CELF2: variants seen among roughly 807,000 people sequenced by gnomAD.
The protein encoded by CELF2 is CUG triplet repeat RNA-binding protein 2.
Under a neutral mutation model 62.6 loss-of-function variants are expected in CELF2, and 8 were observed. That is an observed-to-expected ratio of 0.13 (90% CI 0.07 to 0.23). The LOEUF (loss-of-function observed/expected upper bound fraction) is 0.23. Ranked by LOEUF, CELF2 falls within the 10% of genes least tolerant of loss-of-function variation. The pLI is 1.00. For synonymous variants in CELF2, 258 were observed against 250.0 expected (o/e 1.03, Z -0.30); for missense variants, 333 against 671.0 (o/e 0.50, Z 5.56).
chr10:10,810,870 T>C (rs981961130), intron 1 of CELF2, among the ~76,000 whole-genome samples: 3 of 152,136 alleles, frequency 2.0e-5, no homozygotes, highest in Admixed American at 2.0e-4. Flanking sequence ...TCCTATGGGA[T>C]GGGCAGGAAG....
chr10:10,775,619 A>AT, the CELF2 span, among the ~76,000 whole-genome samples: 1 of 144,702 alleles, frequency 6.9e-6, no homozygotes, highest in East Asian at 2.2e-4. Flanking sequence ...GTCTCAAAAA[A>AT]AAAAAAATAT....
rs2061746211 is a variant in CELF2, at chr10:10,886,334, A to G, written c.54-33630A>G. On this transcript the variant is annotated intron_variant, in intron 1 of 13. Transcript: ENST00000636488. ...GAAGACCATCACCCAAAATGATAAT[A>G]TAATATAATATAACAGCCTTTCATA... Among the ~76,000 whole-genome samples the G allele has an allele frequency of 2.0e-5, 3 of 152,246 alleles. No homozygotes were observed. In the South Asian group the frequency reaches 6.2e-4, roughly 31 times the overall value.
the CELF2 span, among the ~76,000 whole-genome samples, chr10:10,673,514 G>C: frequency 5.3e-5 from 8 of 151,922 alleles, no homozygotes; most frequent in Non-Finnish European, 1.2e-4. Context: ...TCTTTATAGA[G>C]TTTCTATTTT....
At chr10:10,528,084 A>G in the CELF2 span, among the ~76,000 whole-genome samples, 2 of 152,180 alleles carry the variant, frequency 1.3e-5, no homozygotes, top group Non-Finnish European at 2.9e-5. Context: ...CAACATTCTT[A>G]ACCAAACCAG....
chr10:10,720,471 T>A, the CELF2 span, among the ~76,000 whole-genome samples: 4 of 152,176 alleles, frequency 2.6e-5, no homozygotes, highest in African/African-American at 9.7e-5. Context: ...TCTTTAGATA[T>A]GAGACCCCTT....
chr10:10,475,562 C>G, the CELF2 span, among the ~76,000 whole-genome samples: 1 of 151,704 alleles, frequency 6.6e-6, no homozygotes, highest in Non-Finnish European at 1.5e-5. Context: ...TATTCAATTA[C>G]ATAATTTGAG....
intron 1 of CELF2, among the ~76,000 whole-genome samples, chr10:10,842,355 C>T (rs1016767349): frequency 1.3e-5 from 2 of 152,006 alleles, no homozygotes; most frequent in African/African-American, 4.8e-5. Context: ...GAAAGGACAT[C>T]TTTTCCTTAT....
At position 11,220,897 on chromosome 10, in the gene CELF2, G is replaced by C. The variant is rs1245906797; in HGVS notation, c.354+3390G>C. 1.3e-5 allele frequency among the ~76,000 whole-genome samples: 2 copies of C among 152,222 alleles called. No individual in the cohort carries two copies. The highest frequency in any genetic ancestry group is 4.8e-5 in the African/African-American group (2 of 41,448). ...TACAGTGTGCCTAGCTCTAAGCTAG[G>C]TATTGGCAGGAAGTAGCAGGGATCG... On this transcript the variant is annotated intron_variant, in intron 3 of 12. Coordinates refer to ENST00000633077, the MANE Select transcript of CELF2 (RefSeq NM_001326342.2). The surrounding 1 kb of genome is among the most constrained non-coding windows in gnomAD (Gnocchi z 4.4).
intron 1 of CELF2, among the ~76,000 whole-genome samples, chr10:10,846,843 G>T (rs1218456867): frequency 6.6e-6 from 1 of 152,194 alleles, no homozygotes; most frequent in Non-Finnish European, 1.5e-5. Flanking sequence ...AATAAAAATG[G>T]AGTTTGATAC....
chr10:10,496,824 A>G, the CELF2 span, among the ~76,000 whole-genome samples: 1 of 152,130 alleles, frequency 6.6e-6, no homozygotes, highest in African/African-American at 2.4e-5. Flanking sequence ...GTGGAGGTTC[A>G]TTGGAGGGAG....
chr10:10,776,924 C>A, the CELF2 span, among the ~76,000 whole-genome samples: 7 of 152,230 alleles, frequency 4.6e-5, no homozygotes, highest in Non-Finnish European at 1.0e-4. Flanking sequence ...GAAGGCCATG[C>A]CCTCTGCATT....
intron 1 of CELF2, among the ~76,000 whole-genome samples, chr10:10,856,607 C>T (rs746312013): frequency 2.6e-5 from 4 of 152,138 alleles, no homozygotes; most frequent in Admixed American, 1.3e-4. Context: ...ATTCTGTCTT[C>T]GTTAGCATCT....
At chr10:10,677,039 C>T in the CELF2 span, among the ~76,000 whole-genome samples, 1 of 152,164 alleles carries the variant, frequency 6.6e-6, no homozygotes, top group Non-Finnish European at 1.5e-5. Context: ...TCCAAAAAAG[C>T]AGACCAGTTC....
chr10:11,140,632 G>T (rs1390197157), intron 1 of CELF2, among the ~76,000 whole-genome samples: 1 of 152,078 alleles, frequency 6.6e-6, no homozygotes, highest in African/African-American at 2.4e-5. Context: ...TATTTGCTTT[G>T]TCACTTATAA....
chr10:10,681,697 G>C, the CELF2 span, among the ~76,000 whole-genome samples: 1 of 152,144 alleles, frequency 6.6e-6, no homozygotes, highest in Non-Finnish European at 1.5e-5. Context: ...TGGCCCATGA[G>C]CTACAGTTTG....
intron 2 of CELF2, chr10:10,960,032 C>T (rs901619927): frequency 1.5e-4 from 23 of 152,256 alleles, no homozygotes; most frequent in Non-Finnish European, 1.5e-5. Context: ...CTTTCAAACT[C>T]TCCAGCCACT....
At chr10:10,901,793 T>C (rs1036801621) in intron 1 of CELF2, among the ~76,000 whole-genome samples, 2 of 152,194 alleles carry the variant, frequency 1.3e-5, no homozygotes, top group Non-Finnish European at 2.9e-5. Flanking sequence ...CATATTAGGT[T>C]TGTGCAAAAA....
At chr10:10,729,624 A>C in the CELF2 span, among the ~76,000 whole-genome samples, 2,569 of 152,070 alleles carry the variant, frequency 0.017, 62 homozygotes, top group African/African-American at 0.058. Flanking sequence ...AACAAACAAA[A>C]AAAAATTAGC....
rs1420621316 is a variant in CELF2 at position 11,117,449 on chromosome 10, G to C, written c.75-48037G>C. ...TCCAGGAATGAAGATGCTCAAGGAG[G>C]CCTTGCTGTCTACCTGTGCTACCAG... On this transcript the variant is annotated intron_variant, in intron 1 of 12. Coordinates refer to ENST00000633077, the MANE Select transcript of CELF2 (RefSeq NM_001326342.2). The surrounding 1 kb of genome is among the most constrained non-coding windows in gnomAD (Gnocchi z 4.1). Among the ~76,000 whole-genome samples the C allele has an allele frequency of 2.0e-5, 3 of 152,194 alleles. No individual in the cohort carries two copies. The highest frequency in any genetic ancestry group is 4.4e-5 in the Non-Finnish European group (3 of 68,032).
Sources: allele counts gnomAD v4.1 joint callset (sites outside exome capture counted in the v4.1 genomes callset), GRCh38; gene constraint gnomAD v4.1.1; non-coding constraint Gnocchi (gnomAD v3.1); transcripts MANE v1.5; gene names NCBI Gene and HGNC (gene_info 2026-07-23, HGNC 2026-07-21).